The following TAF2 variants were observed in gnomAD, a reference collection of about 807,000 sequenced individuals.
TAF2 encodes TATA-box binding protein associated factor 2.
Under a neutral mutation model 138.5 loss-of-function variants are expected in TAF2, and 61 were observed. That is an observed-to-expected ratio of 0.44 (90% confidence interval 0.36 to 0.54). The LOEUF is 0.54. TAF2 is among the 20% of genes least tolerant of loss of function. TAF2 has a pLI of 0.00. For missense variants in TAF2, 1,090 were observed against 1,427.9 expected, an observed-to-expected ratio of 0.76 and a Z score of 3.81; for synonymous variants, 475 against 469.9, an observed-to-expected ratio of 1.01 and a Z score of -0.14.
At chr8:119,812,692 T>A (rs1024671876) in intron 3 of TAF2, among the ~76,000 whole-genome samples, 1 of 152,022 alleles carries the variant, frequency 6.6e-6, no homozygotes, top group Non-Finnish European at 1.5e-5. Flanking sequence ...ATTTCATTAT[T>A]TTTTTATGGC....
intron 19 of TAF2, 102 bp from the exon 20 acceptor site, chr8:119,760,840 CTG>C: frequency 6.7e-7 from 1 of 1,498,054 alleles, no homozygotes; most frequent in Non-Finnish European, 9.2e-7. Flanking sequence ...AATTTAAAAA[CTG>C]ATGTGATTTT....
intron 25 of TAF2, among the ~76,000 whole-genome samples, chr8:119,740,055 C>T (rs1171262990): frequency 6.6e-6 from 1 of 152,032 alleles, no homozygotes; most frequent in Non-Finnish European, 1.5e-5. Context: ...TCACAGCTTC[C>T]CTCACCAGTG....
intron 25 of TAF2, among the ~76,000 whole-genome samples, chr8:119,740,221 A>C (rs928521725): frequency 6.6e-6 from 1 of 152,140 alleles, no homozygotes; most frequent in Non-Finnish European, 1.5e-5. Flanking sequence ...TGCTTCCCAC[A>C]TGCCAAAAGT....
chr8:119,781,016 T>C (rs888785929), intron 17 of TAF2, 37 bp downstream of exon 17: 14 of 1,591,330 alleles, frequency 8.8e-6, no homozygotes, highest in Middle Eastern at 2.2e-4. Context: ...AACTGAAATA[T>C]ATAAAAACCA....
At chr8:119,812,977 C>T (rs992262156) in intron 3 of TAF2, among the ~76,000 whole-genome samples, 1 of 152,120 alleles carries the variant, frequency 6.6e-6, no homozygotes, top group African/African-American at 2.4e-5. Context: ...GTAGTGAGAA[C>T]GCCAGATAAA....
At chr8:119,787,214 A>G (rs1586433376) in intron 14 of TAF2, among the ~76,000 whole-genome samples, 1 of 152,162 alleles carries the variant, frequency 6.6e-6, no homozygotes, top group East Asian at 1.9e-4. Flanking sequence ...AGAAAAACCA[A>G]CCCCAGGGGA....
intron 14 of TAF2, among the ~76,000 whole-genome samples, chr8:119,786,683 G>T (rs1019850636): frequency 6.6e-6 from 1 of 152,010 alleles, no homozygotes; most frequent in Non-Finnish European, 1.5e-5. Context: ...GCATTTTGGG[G>T]GGCCGAGGTG....
chr8:119,829,159 C>T (rs1826282676), intron 2 of TAF2, among the ~76,000 whole-genome samples: 1 of 152,152 alleles, frequency 6.6e-6, no homozygotes, highest in South Asian at 2.1e-4. Flanking sequence ...GCTCTCTACC[C>T]TACTCAATAC....
At chr8:119,809,024 C>G (rs2136375) in intron 3 of TAF2, among the ~76,000 whole-genome samples, 11,012 of 152,160 alleles carry the variant, frequency 0.072, 478 homozygotes, top group South Asian at 0.19. Flanking sequence ...AGAGTCAGCC[C>G]GTCCTTTGAA....
intron 18 of TAF2, among the ~76,000 whole-genome samples, chr8:119,766,504 C>T (rs1398602110): frequency 1.3e-5 from 2 of 152,132 alleles, no homozygotes; most frequent in Non-Finnish European, 2.9e-5. Context: ...TTCTGCTTAC[C>T]AGTGACGACT....
At chr8:119,778,381 G>A (rs962577434) in intron 17 of TAF2, among the ~76,000 whole-genome samples, 3 of 152,180 alleles carry the variant, frequency 2.0e-5, no homozygotes, top group African/African-American at 7.2e-5. Context: ...ATGTGCCTTG[G>A]CCTTCATTTG....
At chr8:119,818,732 CCACACACACACACACACACA>C (rs199991010) in intron 3 of TAF2, among the ~76,000 whole-genome samples, 1 of 110,900 alleles carries the variant, frequency 9.0e-6, no homozygotes, top group Non-Finnish European at 1.8e-5. Context: ...AAAATGAAGT[CCACACACACACACACACACA>C]CACACACACA....
At chr8:119,823,116 T>C (rs749208689) in intron 2 of TAF2, among the ~76,000 whole-genome samples, 12 of 152,226 alleles carry the variant, frequency 7.9e-5, no homozygotes, top group African/African-American at 2.4e-4. Context: ...TCCGTGCCTA[T>C]AAATATGTTC....
intron 3 of TAF2, among the ~76,000 whole-genome samples, chr8:119,812,745 G>A (rs1391657846): frequency 2.6e-5 from 3 of 116,212 alleles, no homozygotes; most frequent in Non-Finnish European, 5.3e-5. Context: ...GTGTGTGTGT[G>A]TGTGTGTATA....
chr8:119,813,042 T>A (rs754836336), intron 3 of TAF2, among the ~76,000 whole-genome samples: 6 of 152,232 alleles, frequency 3.9e-5, no homozygotes, highest in Non-Finnish European at 8.8e-5. Context: ...TGTACTAATT[T>A]ACATTCTCAC....
chr8:119,811,094 T>A (rs1825021345), intron 3 of TAF2, among the ~76,000 whole-genome samples: 2 of 152,316 alleles, frequency 1.3e-5, no homozygotes, highest in South Asian at 2.1e-4. Flanking sequence ...ATATTTAATG[T>A]CCTTGCCCTA....
chr8:119,831,872 G>A (rs542187429), intron 1 of TAF2, 141 bp from the exon 2 acceptor site: 199 of 567,188 alleles, frequency 3.5e-4, no homozygotes, highest in Non-Finnish European at 5.1e-4. Context: ...TTAAAACTAC[G>A]AATTGGGGCC....
At chr8:119,798,013 C>T (rs1461557882) in intron 6 of TAF2, among the ~76,000 whole-genome samples, 167 bp from the exon 7 acceptor site, 1 of 152,050 alleles carries the variant, frequency 6.6e-6, no homozygotes, top group African/African-American at 2.4e-5. Flanking sequence ...TTTTACTGAT[C>T]ACATTTATAA....
chr8:119,754,902 A>G (rs1158485644), intron 22 of TAF2, among the ~76,000 whole-genome samples: 1 of 152,246 alleles, frequency 6.6e-6, no homozygotes, highest in Non-Finnish European at 1.5e-5. Context: ...ATAAAATGGC[A>G]AAGAATATGA....
Sources: gnomAD v4.1 joint callset for allele counts (sites outside exome capture counted in the v4.1 genomes callset) on GRCh38, gnomAD v4.1.1 for gene constraint, MANE v1.5 for transcripts, NCBI Gene and HGNC (gene_info 2026-07-23, HGNC 2026-07-21) for gene names.